Variants in KIAA1217 observed in about 807,000 individuals in gnomAD.
KIAA1217 encodes the protein sickle tail protein homolog.
In KIAA1217, 88 loss-of-function variants were observed where a neutral mutation model predicts 163.9. The ratio of observed to expected loss-of-function variants is 0.54; its 90% CI spans 0.45 to 0.64. The LOEUF is 0.64. Ranked by LOEUF, KIAA1217 falls within the 30% of genes least tolerant of loss-of-function variation. The probability of loss-of-function intolerance (pLI) is 0.00; values close to 1 mark genes in which losing one functional copy is unlikely to be tolerated. For missense variants in KIAA1217, 2,372 were observed against 2,475.0 expected, an observed-to-expected ratio of 0.96 and a Z score of 0.88; for synonymous variants, 903 against 923.1, an observed-to-expected ratio of 0.98 and a Z score of 0.39.
rs1845020051 is a variant in KIAA1217 at position 23,965,387 on chromosome 10, G to C, written c.-320-41838G>C. Among the ~76,000 whole-genome samples, 3 of 152,114 alleles carry C rather than the reference G, an allele frequency of 2.0e-5. No homozygotes were observed. The South Asian group carries it at 6.2e-4, about 32-fold the overall frequency. ...GCCCTATAAGGCCTCTTGTTCCTGG[G>C]GCCGTCAACGGCAGCAGAATAGAAG... On this transcript the variant is annotated intron_variant, in intron 1 of 18. Transcript: ENST00000376462.
chr10:24,283,181 T>C (rs1315757766), intron 2 of KIAA1217, among the ~76,000 whole-genome samples: 1 of 152,070 alleles, frequency 6.6e-6, no homozygotes, highest in Admixed American at 6.6e-5. Context: ...CAAAGAAATA[T>C]ATGTGTGGAT....
At chr10:23,929,673 C>T (rs1843174424) in intron 1 of KIAA1217, among the ~76,000 whole-genome samples, 1 of 152,148 alleles carries the variant, frequency 6.6e-6, no homozygotes, top group Non-Finnish European at 1.5e-5. Context: ...GCGTAGTATC[C>T]ATGAGGTATA....
At chr10:23,786,265 G>T (rs1179199449) in intron 1 of KIAA1217, among the ~76,000 whole-genome samples, 5 of 151,984 alleles carry the variant, frequency 3.3e-5, no homozygotes, top group African/African-American at 1.2e-4. Context: ...GGAGGATTTG[G>T]TTAATATGGA....
At chr10:24,150,597 T>A (rs1451086479) in intron 2 of KIAA1217, among the ~76,000 whole-genome samples, 3 of 152,172 alleles carry the variant, frequency 2.0e-5, no homozygotes, top group African/African-American at 7.2e-5. Flanking sequence ...GTATTAGAGC[T>A]CTCACTTGTC....
At chr10:23,758,644 CT>C (rs1834052902) in intron 1 of KIAA1217, among the ~76,000 whole-genome samples, 3 of 140,272 alleles carry the variant, frequency 2.1e-5, no homozygotes, top group Admixed American at 1.4e-4. Flanking sequence ...CTCTCTCTCT[CT>C]CCCCCTCCCT....
intron 2 of KIAA1217, among the ~76,000 whole-genome samples, chr10:24,356,214 A>G (rs2049083153): frequency 6.6e-6 from 1 of 152,150 alleles, no homozygotes; most frequent in Non-Finnish European, 1.5e-5. Flanking sequence ...CTTCCTGGAG[A>G]CCACTGTGAA....
At chr10:24,119,004 A>G (rs980121746) in intron 2 of KIAA1217, among the ~76,000 whole-genome samples, 5 of 152,002 alleles carry the variant, frequency 3.3e-5, no homozygotes, top group Admixed American at 1.3e-4. Context: ...TATAATCTCA[A>G]TGAAGTTATC....
intron 2 of KIAA1217, among the ~76,000 whole-genome samples, chr10:24,280,164 G>C (rs2077745857): frequency 6.6e-6 from 1 of 152,132 alleles, no homozygotes; most frequent in Non-Finnish European, 1.5e-5. Context: ...ATAGGATATT[G>C]GTGATTACGT....
intron 2 of KIAA1217, among the ~76,000 whole-genome samples, chr10:24,106,796 G>A (rs1323528424): frequency 6.6e-6 from 1 of 152,178 alleles, no homozygotes; most frequent in Non-Finnish European, 1.5e-5. Context: ...CCAGATGCCT[G>A]TCCTTTGGAA....
upstream of KIAA1217, among the ~76,000 whole-genome samples, chr10:24,204,049 A>T (rs2067414564): frequency 6.6e-6 from 1 of 152,252 alleles, no homozygotes. Flanking sequence ...GGGTTCTCTT[A>T]AAAAGAAAGC....
chr10:24,212,234 G>A (rs1406812845), intron 1 of KIAA1217, among the ~76,000 whole-genome samples: 1 of 152,332 alleles, frequency 6.6e-6, no homozygotes, highest in Non-Finnish European at 1.5e-5. Flanking sequence ...CAAAATTTTG[G>A]TGTAAGCTGC....
At chr10:24,367,312 C>A in intron 2 of KIAA1217, 1 of 206,344 alleles carries the variant, frequency 4.8e-6, no homozygotes, top group Non-Finnish European at 8.5e-6. Flanking sequence ...CTGCACTTTT[C>A]GCTGTTTACC....
At chr10:23,748,965 A>G (rs1016120143) in intron 1 of KIAA1217, among the ~76,000 whole-genome samples, 1 of 152,126 alleles carries the variant, frequency 6.6e-6, no homozygotes, top group African/African-American at 2.4e-5. Flanking sequence ...GAACTTCATC[A>G]TCACTTCTCT....
intron 3 of KIAA1217, among the ~76,000 whole-genome samples, chr10:24,397,669 AG>A (rs1208969366): frequency 3.4e-4 from 52 of 152,210 alleles, no homozygotes; most frequent in Admixed American, 3.4e-3. Flanking sequence ...CAGTTTGAAA[AG>A]GGGGAAGGTC....
chr10:23,839,281 C>T (rs562543433), intron 1 of KIAA1217, among the ~76,000 whole-genome samples: 3 of 152,240 alleles, frequency 2.0e-5, no homozygotes, highest in Admixed American at 1.3e-4. Context: ...GTATTGCTGA[C>T]AATCTTCTTG....
At position 24,156,899 on chromosome 10, in the gene KIAA1217, ATT is replaced by A. The variant is rs1018498087; in HGVS notation, c.-170-62725_-170-62724del. The stretch of plus-strand genomic sequence containing the variant: ...GGCCTCTTTGAGTGTCATGCTTCCC[ATT>A]TCTAGGAAACTGTGAGTAAAACAAC... On this transcript the variant is annotated intron_variant, in intron 2 of 18. Coordinates refer to the KIAA1217 transcript ENST00000376462. Among the ~76,000 whole-genome samples the A allele has an allele frequency of 5.3e-5, 8 of 152,096 alleles. No homozygotes were observed. In the East Asian group the frequency reaches 1.5e-3, roughly 29 times the overall value.
chr10:24,024,524 T>A (rs1484647627), intron 2 of KIAA1217, among the ~76,000 whole-genome samples: 1 of 151,782 alleles, frequency 6.6e-6, no homozygotes, highest in Non-Finnish European at 1.5e-5. Flanking sequence ...ATACCTATGA[T>A]GAGTATTTGA....
intron 3 of KIAA1217, among the ~76,000 whole-genome samples, chr10:24,407,720 A>G (rs2057370711): frequency 1.3e-5 from 2 of 152,172 alleles, no homozygotes; most frequent in African/African-American, 4.8e-5. Flanking sequence ...GTCCCATTCC[A>G]TTTTAGAGTT....
At chr10:23,936,326 T>C (rs1843522505) in intron 1 of KIAA1217, among the ~76,000 whole-genome samples, 1 of 151,800 alleles carries the variant, frequency 6.6e-6, no homozygotes, top group Non-Finnish European at 1.5e-5. Context: ...CAAAGAAAGA[T>C]ATCTTGCATA....
Sources: gnomAD v4.1 joint callset for allele counts (sites outside exome capture counted in the v4.1 genomes callset) on GRCh38, gnomAD v4.1.1 for gene constraint, MANE v1.5 for transcripts, NCBI Gene and HGNC (gene_info 2026-07-23, HGNC 2026-07-21) for gene names.